Variants in ZNF600 observed in about 807,000 individuals in gnomAD.
ZNF600 encodes zinc finger protein 600.
ZNF600 carries 4 observed loss-of-function variants against 7.3 expected under a neutral mutation model. That is an observed-to-expected ratio of 0.55 (90% confidence interval 0.27 to 1.25). The LOEUF (loss-of-function observed/expected upper bound fraction) is 1.25. Ranked by LOEUF, ZNF600 falls within the 50% of genes most tolerant of loss-of-function variation. The pLI, the probability that ZNF600 is intolerant of heterozygous loss-of-function variation, is 0.12. For synonymous variants in ZNF600, 290 were observed against 308.9 expected, an observed-to-expected ratio of 0.94 and a Z score of 0.64; for missense variants, 911 against 922.1, an observed-to-expected ratio of 0.99 and a Z score of 0.16.
At chr19:52,826,938 G>C in the ZNF600 span, among the ~76,000 whole-genome samples, 3 of 152,030 alleles carry the variant, frequency 2.0e-5, no homozygotes, top group African/African-American at 7.2e-5. Context: ...TCTCATATCT[G>C]TTATCTCAGC....
chr19:52,810,250 C>T, the ZNF600 span: 1 of 1,283,152 alleles, frequency 7.8e-7, no homozygotes. Context: ...AGTCTACCTC[C>T]AGGCAATGCT....
the ZNF600 span, among the ~76,000 whole-genome samples, chr19:52,825,122 T>G: frequency 6.6e-6 from 1 of 151,966 alleles, no homozygotes; most frequent in South Asian, 2.1e-4. Context: ...ATCTAAGAAA[T>G]GAGGAAATGC....
the ZNF600 span, among the ~76,000 whole-genome samples, chr19:52,819,373 C>G: frequency 1.4e-5 from 2 of 141,552 alleles, no homozygotes; most frequent in East Asian, 4.0e-4. Flanking sequence ...TCTGAGTCTA[C>G]CACTCTCTTT....
At chr19:52,778,072 G>A (rs988181432) in intron 2 of ZNF600, among the ~76,000 whole-genome samples, 5 of 151,912 alleles carry the variant, frequency 3.3e-5, no homozygotes, top group African/African-American at 1.2e-4. Flanking sequence ...GGAGTGCAGT[G>A]GCATAATTTC....
the ZNF600 span, among the ~76,000 whole-genome samples, chr19:52,815,085 G>A: frequency 4.0e-5 from 4 of 100,206 alleles, 1 homozygote; most frequent in East Asian, 8.2e-4. Flanking sequence ...GTGTGTATGT[G>A]TGTGTATATA....
the ZNF600 span, chr19:52,810,293 G>C: frequency 6.6e-7 from 1 of 1,516,884 alleles, no homozygotes; most frequent in African/African-American, 1.4e-5. Context: ...AGGAGAAGAT[G>C]GAGGCTGATG....
chr19:52,768,484 T>A (rs1401112235), intron 3 of ZNF600, among the ~76,000 whole-genome samples: 2 of 151,914 alleles, frequency 1.3e-5, no homozygotes, highest in Non-Finnish European at 2.9e-5. Context: ...AATATTTTTC[T>A]CAATAAATGT....
chr19:52,822,879 A>G, the ZNF600 span, among the ~76,000 whole-genome samples: 1 of 152,314 alleles, frequency 6.6e-6, no homozygotes, highest in South Asian at 2.1e-4. Flanking sequence ...ATAATTAACT[A>G]TAGAGTTTAT....
the ZNF600 span, chr19:52,818,134 C>A: frequency 8.2e-7 from 1 of 1,216,086 alleles, no homozygotes. Flanking sequence ...GAAATATGGT[C>A]CCCTATGCTG....
the ZNF600 span, among the ~76,000 whole-genome samples, chr19:52,820,360 A>G: frequency 8.8e-5 from 11 of 125,596 alleles, 1 homozygote; most frequent in African/African-American, 3.8e-4. Context: ...CTCATGATCC[A>G]CCCGCCTCGG....
rs558960935 is a variant in ZNF600 at position 52,770,237 on chromosome 19, C to T, written c.191-2465G>A. ...CATGTGGAGCACGAGGTCAGGAGTT[C>T]GAGAACAGCCTGGCCAACATGGGGA... On this transcript the variant is annotated intron_variant, in intron 3 of 3. Transcript: ENST00000648973. Among the ~76,000 whole-genome samples, 8 of 152,136 alleles carry T rather than the reference C, an allele frequency of 5.3e-5. No homozygotes were observed. In the South Asian group the frequency reaches 1.7e-3, roughly 32 times the overall value.
chr19:52,829,706 T>C, the ZNF600 span, among the ~76,000 whole-genome samples: 1 of 151,978 alleles, frequency 6.6e-6, no homozygotes, highest in Non-Finnish European at 1.5e-5. Context: ...GATTCGAGGA[T>C]TCACCATGTT....
the ZNF600 span, among the ~76,000 whole-genome samples, chr19:52,811,113 C>T: frequency 6.0e-5 from 9 of 150,240 alleles, no homozygotes; most frequent in African/African-American, 2.2e-4. Flanking sequence ...GGGCTGGTCT[C>T]CAGCTCCTAA....
chr19:52,792,198 T>C, the ZNF600 span, among the ~76,000 whole-genome samples: 5 of 152,166 alleles, frequency 3.3e-5, no homozygotes, highest in African/African-American at 1.2e-4. Flanking sequence ...AGACAGTGGA[T>C]GGCAAAGGAG....
chr19:52,768,123 T>C (rs1038309075), intron 3 of ZNF600, among the ~76,000 whole-genome samples: 8 of 151,938 alleles, frequency 5.3e-5, no homozygotes, highest in African/African-American at 1.7e-4. Flanking sequence ...ATATTTTTCA[T>C]ATTTAAACCA....
chr19:52,807,253 TAG>T, the ZNF600 span, among the ~76,000 whole-genome samples: 1 of 151,868 alleles, frequency 6.6e-6, no homozygotes, highest in Non-Finnish European at 1.5e-5. Flanking sequence ...GGAGCTTTTC[TAG>T]AGTCCCAGCC....
chr19:52,823,391 T>C, the ZNF600 span, among the ~76,000 whole-genome samples: 2 of 152,100 alleles, frequency 1.3e-5, no homozygotes, highest in African/African-American at 4.8e-5. Context: ...TGCTTTTGTA[T>C]TTTCAGTAGA....
the ZNF600 span, among the ~76,000 whole-genome samples, chr19:52,830,344 G>A: frequency 1.3e-5 from 2 of 152,076 alleles, no homozygotes; most frequent in Non-Finnish European, 2.9e-5. Context: ...AATAAGTACA[G>A]CAGGCCCACA....
chr19:52,816,799 G>A, the ZNF600 span, among the ~76,000 whole-genome samples: 3 of 151,194 alleles, frequency 2.0e-5, no homozygotes, highest in Admixed American at 2.0e-4. Context: ...CCACTGCACT[G>A]CAGCCTGGGC....
Sources: allele counts gnomAD v4.1 joint callset (sites outside exome capture counted in the v4.1 genomes callset), GRCh38; gene constraint gnomAD v4.1.1; transcripts MANE v1.5; gene names NCBI Gene and HGNC (gene_info 2026-07-23, HGNC 2026-07-21).